ZMAT4: variants seen among roughly 807,000 people sequenced by gnomAD.
ZMAT4 encodes the protein zinc finger matrin-type protein 4.
In ZMAT4, 17 loss-of-function variants were observed where a neutral mutation model predicts 28.7. The observed-to-expected ratio is 0.59, with a 90% CI of 0.41 to 0.89. The LOEUF is 0.89. ZMAT4 is among the 40% of genes least tolerant of loss of function. The pLI, the probability that ZMAT4 is intolerant of heterozygous loss-of-function variation, is 0.00. For synonymous variants in ZMAT4, 117 were observed against 109.2 expected, an observed-to-expected ratio of 1.07 and a Z score of -0.44; for missense variants, 240 against 283.8, an observed-to-expected ratio of 0.85 and a Z score of 1.11.
At chr8:40,749,650 C>CA (rs1388199412) in intron 3 of ZMAT4, among the ~76,000 whole-genome samples, 8 of 152,270 alleles carry the variant, frequency 5.3e-5, no homozygotes, top group Admixed American at 3.3e-4. Flanking sequence ...GCTACTCTCA[C>CA]AAAAAATGTT....
At chr8:40,575,072 T>A (rs531341266) in intron 6 of ZMAT4, among the ~76,000 whole-genome samples, 1 of 152,178 alleles carries the variant, frequency 6.6e-6, no homozygotes, top group Non-Finnish European at 1.5e-5. Context: ...CAAGCTCACA[T>A]GAGTGGCTGC....
In ZMAT4 at chr8:40,674,406, G is replaced by C. The variant is rs2091954584; in HGVS notation, c.577+298C>G. 5 of 316,732 alleles carry C rather than the reference G, an allele frequency of 1.6e-5. No individual in the cohort carries two copies. In the Admixed American group the frequency reaches 1.8e-4, roughly 12 times the overall value. The allele number at this position is 316,732 out of a possible 1,614,324, so 19.6% of individuals were successfully genotyped here. A position where few individuals can be genotyped will look rare whatever the true frequency, so the allele number is the denominator to read the frequency against. ...ACACTGCTACTCTACAAAAGCATTT[G>C]GTAAAGAAGGCAGTTAAAGATAAAG... On this transcript the variant is annotated intron_variant, in intron 5 of 6. Coordinates refer to ENST00000297737, the MANE Select transcript of ZMAT4 (RefSeq NM_024645.3).
intron 5 of ZMAT4, among the ~76,000 whole-genome samples, chr8:40,602,179 C>T (rs765388056): frequency 7.2e-5 from 11 of 152,074 alleles, no homozygotes; most frequent in South Asian, 6.2e-4. Flanking sequence ...CCAGGTTGCG[C>T]GAATGCCATT....
At chr8:40,835,192 A>G (rs1816431696) in intron 1 of ZMAT4, among the ~76,000 whole-genome samples, 1 of 152,136 alleles carries the variant, frequency 6.6e-6, no homozygotes, top group Non-Finnish European at 1.5e-5. Context: ...GTCAGACCAA[A>G]AACAGAGCCC....
intron 1 of ZMAT4, among the ~76,000 whole-genome samples, chr8:40,847,580 C>T (rs1816953456): frequency 6.6e-6 from 1 of 152,336 alleles, no homozygotes; most frequent in African/African-American, 2.4e-5. Context: ...CCGCTTCTTC[C>T]TCTGCAGCAT....
intron 2 of ZMAT4, among the ~76,000 whole-genome samples, chr8:40,802,206 C>T (rs1251394790): frequency 2.6e-5 from 4 of 152,136 alleles, no homozygotes; most frequent in African/African-American, 4.8e-5. Context: ...TTTTCAGCAT[C>T]GTACTGAAAG....
chr8:40,699,554 TAA>T (rs1810039565), intron 3 of ZMAT4, among the ~76,000 whole-genome samples: 1 of 151,516 alleles, frequency 6.6e-6, no homozygotes, highest in Non-Finnish European at 1.5e-5. Flanking sequence ...TGAATCAACA[TAA>T]GTGTCCATCA....
chr8:40,724,294 T>G (rs768380164), intron 3 of ZMAT4, among the ~76,000 whole-genome samples: 1 of 152,152 alleles, frequency 6.6e-6, no homozygotes, highest in Non-Finnish European at 1.5e-5. Flanking sequence ...AAAAGCCAGA[T>G]GTGGTCTCTA....
intron 5 of ZMAT4, among the ~76,000 whole-genome samples, chr8:40,650,264 A>C (rs1292641717): frequency 6.6e-6 from 1 of 152,110 alleles, no homozygotes; most frequent in African/African-American, 2.4e-5. Flanking sequence ...ATCCCACAGA[A>C]ATACAAACTA....
chr8:40,611,145 T>C (rs752016662), intron 5 of ZMAT4, among the ~76,000 whole-genome samples: 4 of 152,304 alleles, frequency 2.6e-5, no homozygotes, highest in Admixed American at 6.5e-5. Flanking sequence ...CAATAGCTTA[T>C]TTGACTTTGC....
intron 3 of ZMAT4, among the ~76,000 whole-genome samples, chr8:40,742,782 C>CACAA (rs1554549413): frequency 0.013 from 262 of 20,572 alleles, 6 homozygotes; most frequent in African/African-American, 0.051. Context: ...CACACACACA[C>CACAA]ACACACACAC....
chr8:40,657,271 C>T (rs1193198247), intron 5 of ZMAT4, among the ~76,000 whole-genome samples: 1 of 152,138 alleles, frequency 6.6e-6, no homozygotes, highest in African/African-American at 2.4e-5. Context: ...CATTCCTGGT[C>T]ATTTTCCATC....
chr8:40,581,300 C>T (rs546720771), intron 5 of ZMAT4, 39 bp from the exon 6 acceptor site: 13 of 1,544,702 alleles, frequency 8.4e-6, no homozygotes, highest in African/African-American at 6.8e-5. Flanking sequence ...TGCATCCAGT[C>T]GTCAACCACC....
intron 5 of ZMAT4, among the ~76,000 whole-genome samples, chr8:40,601,654 A>G (rs1376887897): frequency 2.9e-5 from 1 of 34,960 alleles, no homozygotes; most frequent in East Asian, 1.3e-3. Context: ...GAAAGAAAGA[A>G]AGAAAGAAAG....
At chr8:40,618,428 T>G (rs1405504812) in intron 5 of ZMAT4, among the ~76,000 whole-genome samples, 1 of 152,194 alleles carries the variant, frequency 6.6e-6, no homozygotes, top group Non-Finnish European at 1.5e-5. Flanking sequence ...TGACACCAGA[T>G]ATATTTCATG....
intron 6 of ZMAT4, among the ~76,000 whole-genome samples, chr8:40,568,780 C>G (rs2118499163): frequency 6.6e-6 from 1 of 152,170 alleles, no homozygotes; most frequent in East Asian, 1.9e-4. Flanking sequence ...CAGGACTGAA[C>G]CCAGCCAGTC....
At chr8:40,721,858 C>A (rs538939735) in intron 3 of ZMAT4, among the ~76,000 whole-genome samples, 4 of 151,796 alleles carry the variant, frequency 2.6e-5, no homozygotes, top group Non-Finnish European at 5.9e-5. Flanking sequence ...TGTTTGAGTT[C>A]ATTGTAGATT....
intron 3 of ZMAT4, among the ~76,000 whole-genome samples, chr8:40,741,885 A>G (rs1200961086): frequency 6.6e-6 from 1 of 152,236 alleles, no homozygotes; most frequent in Non-Finnish European, 1.5e-5. Context: ...CAAACAAGAA[A>G]GCATTAAAAA....
chr8:40,861,874 C>T (rs1287603069), intron 1 of ZMAT4, among the ~76,000 whole-genome samples: 2 of 152,096 alleles, frequency 1.3e-5, no homozygotes, highest in East Asian at 1.9e-4. Flanking sequence ...AATGAGATAC[C>T]ATCTCACACC....
Sources: gnomAD v4.1 joint callset for allele counts (sites outside exome capture counted in the v4.1 genomes callset) on GRCh38, gnomAD v4.1.1 for gene constraint, MANE v1.5 for transcripts, NCBI Gene and HGNC (gene_info 2026-07-23, HGNC 2026-07-21) for gene names.